MXRA7: variants seen among roughly 807,000 people sequenced by gnomAD.
MXRA7 encodes the protein matrix-remodeling-associated protein 7.
Under a neutral mutation model 17.4 loss-of-function variants are expected in MXRA7, and 18 were observed. That is an observed-to-expected ratio of 1.03 (90% CI 0.71 to 1.53). The LOEUF (loss-of-function observed/expected upper bound fraction) is 1.53. Among genes scored for constraint, MXRA7 ranks in the 40% most tolerant of loss-of-function variants. MXRA7 has a pLI of 0.00. For missense variants in MXRA7, 141 were observed against 209.3 expected (o/e 0.67, Z 2.01); for synonymous variants, 70 against 101.7 (o/e 0.69, Z 1.87).
In MXRA7 at chr17:76,680,501, G is replaced by A; in HGVS notation, c.*366C>T. The A allele has an allele frequency of 3.9e-6, 4 of 1,016,090 alleles. No homozygotes were observed. Among genetic ancestry groups the A allele is most frequent in the Non-Finnish European group, 4.7e-6 (4 of 849,972 alleles). The allele number at this position is 1,016,090 out of a possible 1,614,324, so 62.9% of individuals were successfully genotyped here. Reference sequence around the variant, plus strand: ...CAAAAGAGGGGAGACTGGAGTGAAAGTGAACTCTGCTTTTAAAATGTTCTT... The same window carrying A: ...CAAAAGAGGGGAGACTGGAGTGAAAATGAACTCTGCTTTTAAAATGTTCTT... On this transcript the variant is annotated 3_prime_UTR_variant, in exon 4 of 4. Coordinates refer to ENST00000449428, the MANE Select transcript of MXRA7 (RefSeq NM_198530.4).
chr17:76,683,974 C>G, intron 3 of MXRA7: 4 of 1,470,306 alleles, frequency 2.7e-6, no homozygotes, highest in Non-Finnish European at 3.8e-6. Context: ...CGGCAGCATC[C>G]TCAGCACCTG....
intron 3 of MXRA7, chr17:76,683,761 A>G: frequency 1.1e-6 from 1 of 871,368 alleles, no homozygotes; most frequent in Non-Finnish European, 1.9e-6. Context: ...GGAGGAGGGG[A>G]GGTTGAGGCC....
At chr17:76,707,677 A>C (rs2076677197) in intron 1 of MXRA7, among the ~76,000 whole-genome samples, 1 of 151,992 alleles carries the variant, frequency 6.6e-6, no homozygotes, top group South Asian at 2.1e-4. Context: ...AAGAAATTTA[A>C]CTCTAGTGCT....
chr17:76,704,200 ATTTTTTT>A (rs1162372827), intron 1 of MXRA7, among the ~76,000 whole-genome samples: 2 of 63,398 alleles, frequency 3.2e-5, no homozygotes, highest in African/African-American at 1.2e-4. Flanking sequence ...CTTCCTTCAG[ATTTTTTT>A]TTTTTTTTTT....
At chr17:76,698,363 C>T (rs1008579625) in intron 1 of MXRA7, among the ~76,000 whole-genome samples, 5 of 122,770 alleles carry the variant, frequency 4.1e-5, no homozygotes, top group East Asian at 2.3e-4. Context: ...TTGCAATGGG[C>T]GGGGGGGGAG....
intron 1 of MXRA7, among the ~76,000 whole-genome samples, chr17:76,698,349 T>C (rs561290748): frequency 6.6e-6 from 1 of 151,512 alleles, no homozygotes. Flanking sequence ...CAGCTGCTCA[T>C]CTTTTGCAAT....
At chr17:76,693,488 A>AG (rs1275184847) in intron 1 of MXRA7, among the ~76,000 whole-genome samples, 7 of 151,454 alleles carry the variant, frequency 4.6e-5, no homozygotes, top group Non-Finnish European at 7.4e-5. Flanking sequence ...AAAAAAAAAA[A>AG]AAAAAGAAAA....
At chr17:76,682,669 G>T (rs2076322190) in intron 3 of MXRA7, among the ~76,000 whole-genome samples, 1 of 152,096 alleles carries the variant, frequency 6.6e-6, no homozygotes, top group East Asian at 1.9e-4. Context: ...ATGCAGGGGG[G>T]CAGAGGTGTG....
intron 1 of MXRA7, among the ~76,000 whole-genome samples, chr17:76,698,373 G>A (rs1264521215): frequency 2.0e-5 from 3 of 151,034 alleles, no homozygotes; most frequent in African/African-American, 4.9e-5. Context: ...CGGGGGGGGA[G>A]CAGCAAAGCC....
chr17:76,680,472 A>T lies in MXRA7; in HGVS notation c.*395T>A, dbSNP rs1303087832. ...AGTCTTCTGTGGTTTGGCTTCAGTG[A>T]GGGCAAAAGAGGGGAGACTGGAGTG... On this transcript the variant is annotated 3_prime_UTR_variant, in exon 4 of 4. Transcript: ENST00000449428. The T allele has an allele frequency of 1.6e-5, 16 of 994,740 alleles. No homozygotes were observed. Among genetic ancestry groups the T allele is most frequent in the Non-Finnish European group, 1.8e-5 (15 of 836,300 alleles). 61.6% of individuals were successfully genotyped at this position (994,740 alleles called of 1,614,324 possible).
chr17:76,679,536 TAAAAC>T (rs749210796), downstream of MXRA7: 160 of 946,312 alleles, frequency 1.7e-4, no homozygotes, highest in Non-Finnish European at 2.0e-4. Flanking sequence ...GATTTTGTTT[TAAAAC>T]AAAGCAAACT....
chr17:76,685,749 C>T (rs934173434), intron 2 of MXRA7, among the ~76,000 whole-genome samples: 1 of 152,178 alleles, frequency 6.6e-6, no homozygotes, highest in African/African-American at 2.4e-5. Flanking sequence ...GGACAGATCT[C>T]GAGGCCTGAA....
At chr17:76,697,803 C>A (rs953745605) in intron 1 of MXRA7, among the ~76,000 whole-genome samples, 6 of 152,106 alleles carry the variant, frequency 3.9e-5, no homozygotes, top group Admixed American at 1.3e-4. Context: ...ACCAAGCTCA[C>A]GCCCTGCAGG....
intron 1 of MXRA7, among the ~76,000 whole-genome samples, chr17:76,707,486 T>A (rs1045647739): frequency 7.2e-5 from 11 of 152,032 alleles, no homozygotes; most frequent in Non-Finnish European, 1.5e-4. Context: ...GTATTTTTAG[T>A]AGAGACGGGG....
At chr17:76,694,874 T>A (rs76082388) in intron 1 of MXRA7, among the ~76,000 whole-genome samples, 3,270 of 151,930 alleles carry the variant, frequency 0.022, 110 homozygotes, top group African/African-American at 0.074. Flanking sequence ...TTTACTTTTT[T>A]AAAAAATAAC....
chr17:76,701,735 C>T (rs2076593454), intron 1 of MXRA7, among the ~76,000 whole-genome samples: 1 of 152,074 alleles, frequency 6.6e-6, no homozygotes, highest in South Asian at 2.1e-4. Context: ...GAGCCGACCC[C>T]ATCCGGGCCC....
chr17:76,677,724 G>A, downstream of MXRA7: 2 of 1,577,376 alleles, frequency 1.3e-6, no homozygotes, highest in Non-Finnish European at 1.7e-6. Context: ...AAAGGACAAA[G>A]AGGAAGAAGG....
Position 76,679,585 on chromosome 17 carries a change from A to T in MXRA7, c.*1282T>A, listed in dbSNP as rs111262383. 5 of 974,626 alleles carry T rather than the reference A, an allele frequency of 5.1e-6. No individual in the cohort carries two copies. Among genetic ancestry groups the T allele is most frequent in the Non-Finnish European group, 6.1e-6 (5 of 820,250 alleles). The allele number at this position is 974,626 out of a possible 1,614,324, so 60.4% of individuals were successfully genotyped here. On this transcript the variant is annotated 3_prime_UTR_variant, in exon 4 of 4. Transcript: ENST00000449428. ...ACACAGTAATTGAGATCATCTACTC[A>T]AAGTTTATTGGACTGAACAAAGGCT... is the stretch of plus-strand genomic sequence containing the variant.
At chr17:76,708,594 CTTTCT>C (rs2076687020) in intron 1 of MXRA7, among the ~76,000 whole-genome samples, 1 of 152,170 alleles carries the variant, frequency 6.6e-6, no homozygotes, top group Non-Finnish European at 1.5e-5. Flanking sequence ...ATTTGTTTTC[CTTTCT>C]TTTTTTTCTT....
Sources: allele counts gnomAD v4.1 joint callset (sites outside exome capture counted in the v4.1 genomes callset), GRCh38; gene constraint gnomAD v4.1.1; transcripts MANE v1.5; gene names NCBI Gene and HGNC (gene_info 2026-07-23, HGNC 2026-07-21).